MSS51: variants seen among roughly 807,000 people sequenced by gnomAD.
MSS51 encodes the protein putative protein MSS51 homolog, mitochondrial.
A neutral mutation model predicts 40.2 loss-of-function variants in MSS51; 32 were observed. The observed-to-expected ratio is 0.80, with a 90% CI of 0.60 to 1.07. The LOEUF (loss-of-function observed/expected upper bound fraction) is 1.07. MSS51 is among the 50% of genes least tolerant of loss of function. The pLI is 0.00. For synonymous variants in MSS51, 178 were observed against 214.2 expected (o/e 0.83, Z 1.48); for missense variants, 518 against 568.9 (o/e 0.91, Z 0.91).
chr10:73,429,806 A>C (rs1338401217), intron 1 of MSS51: 1 of 404,490 alleles, frequency 2.5e-6, no homozygotes. Flanking sequence ...CAAATATGAG[A>C]AATATATATC....
chr10:73,426,158 GA>G lies in MSS51; in HGVS notation c.721del (p.Ser241HisfsTer4). On this transcript the variant is annotated frameshift_variant, in exon 5 of 7. Transcript: ENST00000299432. LOFTEE classifies it high-confidence loss of function. ...SLKRLLTDVL[S>X]RPLTLGLGLR... The stretch of plus-strand genomic sequence containing the variant: ...TCCTAGGCCTAGAGTCAAGGGCCGT[GA>G]CAGGACATCTGTCAGCAGCCGCTTC... 1 of 1,614,210 alleles carries G rather than the reference GA, an allele frequency of 6.2e-7. No homozygotes were observed. Among genetic ancestry groups the G allele is most frequent in the Non-Finnish European group, 8.5e-7 (1 of 1,180,042 alleles).
At chr10:73,429,174 C>G (rs1242662357) in intron 1 of MSS51, among the ~76,000 whole-genome samples, 2 of 152,028 alleles carry the variant, frequency 1.3e-5, no homozygotes, top group Non-Finnish European at 2.9e-5. Flanking sequence ...CCATTGCACT[C>G]CAGCCTGGGC....
Position 73,426,192 on chromosome 10 carries a change from C to G in MSS51, c.688G>C (p.Gly230Arg). Residue 230 changes from glycine to arginine, a missense_variant, in exon 5 of 7, where the codon GGA (glycine) becomes CGA (arginine). Transcript: ENST00000299432. ...TCTGTCAGCAGCCGCTTCAAAGATC[C>G]CTGCAGGACATCCGGGTCTGGCCTT... The part of the protein sequence containing the change: ...RPRPDPDVLQ[G>R]SLKRLLTDVL... The G allele has an allele frequency of 6.2e-7, 1 of 1,614,224 alleles. No homozygotes were observed. The highest frequency in any genetic ancestry group is 8.5e-7 in the Non-Finnish European group (1 of 1,180,032).
chr10:73,432,325 C>A (rs1289019716), intron 1 of MSS51, among the ~76,000 whole-genome samples: 1 of 152,124 alleles, frequency 6.6e-6, no homozygotes, highest in Non-Finnish European at 1.5e-5. Flanking sequence ...GCATGAGCCA[C>A]GGCGCCCGGC....
chr10:73,425,252 T>C (rs1354070787), intron 5 of MSS51, 61 bp from the exon 6 acceptor site: 2 of 1,132,848 alleles, frequency 1.8e-6, no homozygotes, highest in African/African-American at 3.1e-5. Flanking sequence ...AAGAGCAAGA[T>C]ATTTCTTTGA....
intron 6 of MSS51, 111 bp from the exon 7 acceptor site, chr10:73,424,883 GC>G (rs2055970286): frequency 2.2e-6 from 2 of 903,842 alleles, no homozygotes; most frequent in Non-Finnish European, 1.8e-6. Context: ...ATTGCCTAAG[GC>G]TGGACTAGGC....
At chr10:73,429,310 T>A (rs561645914) in intron 1 of MSS51, among the ~76,000 whole-genome samples, 2 of 152,286 alleles carry the variant, frequency 1.3e-5, no homozygotes, top group Non-Finnish European at 2.9e-5. Context: ...TTACCTGTAA[T>A]GTTTGACTTT....
chr10:73,426,785 C>T lies in MSS51; in HGVS notation c.378-54G>A, dbSNP rs964343244. 8.2e-5 allele frequency: 130 copies of T among 1,590,048 alleles called. No individual in the cohort carries two copies. In the Middle Eastern group the frequency reaches 2.0e-3, roughly 25 times the overall value. On this transcript the variant is annotated intron_variant, in intron 3 of 6. Coordinates refer to ENST00000299432, the MANE Select transcript of MSS51 (RefSeq NM_001024593.2). ...ATACTATAAATATGATTGGGGTTAT[C>T]GGAGGAAAGGAACTGATATTCCTGC...
At position 73,423,884 on chromosome 10, in the gene MSS51, G is replaced by A. The variant is rs1222256656; in HGVS notation, c.*669C>T. On this transcript the variant is annotated 3_prime_UTR_variant, in exon 7 of 7. Coordinates refer to ENST00000299432, the MANE Select transcript of MSS51 (RefSeq NM_001024593.2). ...CATTTTTTAGCCCAAATTACTGGAT[G>A]AGAAGAAAGTCTTTTTCAGAAGAAT... 1 of 152,272 alleles carries A rather than the reference G, an allele frequency of 6.6e-6. No homozygotes were observed. The highest frequency in any genetic ancestry group is 2.4e-5 in the African/African-American group (1 of 41,438). 9.4% of individuals were successfully genotyped at this position (152,272 alleles called of 1,614,324 possible).
intron 1 of MSS51, 79 bp from the exon 2 acceptor site, chr10:73,428,380 C>A (rs955131376): frequency 9.1e-7 from 1 of 1,099,884 alleles, no homozygotes; most frequent in African/African-American, 1.6e-5. Context: ...TATGCTTGAC[C>A]TTTCATTTCT....
At chr10:73,427,378 A>G (rs2132722625) in intron 3 of MSS51, among the ~76,000 whole-genome samples, 1 of 150,420 alleles carries the variant, frequency 6.6e-6, no homozygotes, top group African/African-American at 2.4e-5. Flanking sequence ...CCTGGGTTCA[A>G]GCAATTCTCC....
chr10:73,431,180 G>A (rs544236638), intron 1 of MSS51, among the ~76,000 whole-genome samples: 1 of 152,238 alleles, frequency 6.6e-6, no homozygotes, highest in African/African-American at 2.4e-5. Context: ...CTTTTGGGGT[G>A]ATAAAAATGT....
At position 73,428,176 on chromosome 10, in the gene MSS51, T is replaced by C. The variant is rs186409716; in HGVS notation, c.109A>G (p.Lys37Glu). The C allele has an allele frequency of 3.1e-6, 5 of 1,613,964 alleles. No individual in the cohort carries two copies. The African/African-American group carries it at 6.7e-5, about 22-fold the overall frequency. The change falls in exon 2 of 7, where the codon AAA (lysine) becomes GAA (glutamate). Residue 37 changes from lysine (K) to glutamate (E), a missense_variant. Coordinates refer to ENST00000299432, the MANE Select transcript of MSS51 (RefSeq NM_001024593.2). ...AGTGTGTCAATGCTAGGGCCAGGTTTTGAGGGGGTCAGAGGCACAGGGGTC... is the reference window on the plus strand; with the variant it reads ...AGTGTGTCAATGCTAGGGCCAGGTTCTGAGGGGGTCAGAGGCACAGGGGTC... The part of the protein sequence containing the change: ...IVTPVPLTPS[K>E]PGPSIDTLGF...
chr10:73,427,687 T>A lies in MSS51; in HGVS notation c.303A>T (p.Thr101=), dbSNP rs1416234888. Residue 101 remains threonine (T), a synonymous_variant, in exon 3 of 7, where the codon ACA becomes ACT. Coordinates refer to ENST00000299432, the MANE Select transcript of MSS51 (RefSeq NM_001024593.2). ...CTCTACAGTGAGCACAGAATCGAAA[T>A]GTGTCTTCCATCCTCTGGAACATTT... ...PQEMFQRMED[T]FRFCAHCRAL... 1 of 1,614,106 alleles carries A rather than the reference T, an allele frequency of 6.2e-7. No homozygotes were observed. Among genetic ancestry groups the A allele is most frequent in the Non-Finnish European group, 8.5e-7 (1 of 1,180,052 alleles).
Position 73,425,982 on chromosome 10 carries a change from T to C in MSS51, c.898A>G (p.Met300Val), listed in dbSNP as rs371629564. 9.3e-6 allele frequency: 15 copies of C among 1,614,060 alleles called. No individual in the cohort carries two copies. Among genetic ancestry groups the C allele is most frequent in the African/African-American group, 1.3e-5 (1 of 74,916 alleles). The change falls in exon 5 of 7, where the codon ATG (methionine) becomes GTG (valine). Residue 300 changes from methionine to valine, a missense_variant. Transcript: ENST00000299432. ...FPGHLGLRVV[M>V]VGVDVATGFS... ...CCAGTAGCTACATCTACACCCACCATGACCACACGGAGTCCAAGGTGCCCA... is the reference window on the plus strand; with the variant it reads ...CCAGTAGCTACATCTACACCCACCACGACCACACGGAGTCCAAGGTGCCCA...
Position 73,426,297 on chromosome 10 carries a change from C to G in MSS51, c.583G>C (p.Gly195Arg). The G allele has an allele frequency of 6.2e-7, 1 of 1,608,334 alleles. No individual in the cohort carries two copies. Among genetic ancestry groups the G allele is most frequent in the Non-Finnish European group, 8.5e-7 (1 of 1,180,002 alleles). ...TCCAATGTAGCATCTAGGTGTAACC[C>G]CTTCATAGAAAACCAGGAGTCCCAG... ...QDWDSWFSMK[G>R]LHLDATLDAV... The change falls in exon 5 of 7, where the codon GGG becomes CGG. Residue 195 changes from glycine to arginine, a missense_variant. Coordinates refer to ENST00000299432, the MANE Select transcript of MSS51 (RefSeq NM_001024593.2).
rs757235184 is a variant in MSS51, at chr10:73,424,724, T to C, written c.1212A>G (p.Thr404=). The C allele has an allele frequency of 6.8e-6, 11 of 1,614,060 alleles. No homozygotes were observed. In the East Asian group the frequency reaches 2.4e-4, roughly 36 times the overall value. ...GATTAGACCCAAAGGCAGTGATGTGTGTATCCAGTTCCACCAGAATCTGCA... is the reference window on the plus strand; with the variant it reads ...GATTAGACCCAAAGGCAGTGATGTGCGTATCCAGTTCCACCAGAATCTGCA... ...SSLQILVELD[T]HITAFGSNPF... Residue 404 remains threonine (T), a synonymous_variant, in exon 7 of 7, where the codon ACA becomes ACG. Transcript: ENST00000299432.
rs550275295 is a variant in MSS51, at chr10:73,426,731, C to A, written c.378G>T (p.Arg126Ser). The change falls in exon 4 of 7, where the codon AGG becomes AGT. Residue 126 changes from arginine to serine, a missense_variant and splice_region_variant. Physicochemically the swap from Arg to Ser is moderately radical, Grantham distance 110. Transcript: ENST00000299432. ...GACCACAGTAATAGACATTTCTGCACCTGAGAGAATGAGAGAGAAATAGTT... is the reference window on the plus strand; with the variant it reads ...GACCACAGTAATAGACATTTCTGCAACTGAGAGAATGAGAGAGAAATAGTT... ...SDSKVLRHCKRCRNVYYCGPE... is the reference protein window; with the variant it reads ...SDSKVLRHCKSCRNVYYCGPE... 7.4e-6 allele frequency: 12 copies of A among 1,613,590 alleles called. No individual in the cohort carries two copies. Among genetic ancestry groups the A allele is most frequent in the African/African-American group, 5.3e-5 (4 of 74,918 alleles).
At position 73,424,555 on chromosome 10, in the gene MSS51, A is replaced by C; in HGVS notation, c.1381T>G (p.Ter461GluextTer27). 1 of 1,611,636 alleles carries C rather than the reference A, an allele frequency of 6.2e-7. No homozygotes were observed. The highest frequency in any genetic ancestry group is 8.5e-7 in the Non-Finnish European group (1 of 1,177,754). The change falls in exon 7 of 7, where the codon TAA becomes GAA. Residue 461 changes from the stop codon to glutamate (E), a stop_lost. Coordinates refer to ENST00000299432, the MANE Select transcript of MSS51 (RefSeq NM_001024593.2). Reference protein sequence around the residue: ...QLEEKVDGGI* With the variant: ...QLEEKVDGGIE ...CCAGATGTCCAGTTATGATCTATTTAAATCCCGCCGTCCACTTTCTCTTCT... is the reference window on the plus strand; with the variant it reads ...CCAGATGTCCAGTTATGATCTATTTCAATCCCGCCGTCCACTTTCTCTTCT...
Sources: allele counts gnomAD v4.1 joint callset (sites outside exome capture counted in the v4.1 genomes callset), GRCh38; gene constraint gnomAD v4.1.1; transcripts MANE v1.5; gene names NCBI Gene and HGNC (gene_info 2026-07-23, HGNC 2026-07-21).